The following FOXF1 variants were observed in gnomAD, a reference collection of about 807,000 sequenced individuals.
The protein encoded by FOXF1 is forkhead box F1.
Under a neutral mutation model 26.6 loss-of-function variants are expected in FOXF1, and 9 were observed. That is an observed-to-expected ratio of 0.34 (90% CI 0.20 to 0.59). The LOEUF is 0.59. FOXF1 is among the 20% of genes least tolerant of loss of function. The pLI is 0.83. For synonymous variants in FOXF1, 330 were observed against 257.7 expected, an observed-to-expected ratio of 1.28 and a Z score of -2.69; for missense variants, 499 against 549.9, an observed-to-expected ratio of 0.91 and a Z score of 0.93.
chr16:86,513,244 G>C lies in FOXF1; in HGVS notation c.*159G>C. On this transcript the variant is annotated 3_prime_UTR_variant, in exon 2 of 2. Transcript: ENST00000262426. ...TTTGGCAAGGAGTCCCCAATGCAAA[G>C]ACACAGCGCTGCGGTTGGCACCTCC... is the stretch of plus-strand genomic sequence containing the variant. 1.5e-6 allele frequency: 1 copy of C among 686,684 alleles called. No individual in the cohort carries two copies. Among genetic ancestry groups the C allele is most frequent in the Middle Eastern group, 4.0e-4 (1 of 2,528 alleles). The allele number at this position is 686,684 out of a possible 1,614,324, so 42.5% of individuals were successfully genotyped here. A position where few individuals can be genotyped will look rare whatever the true frequency, so the allele number is the denominator to read the frequency against.
rs1290608625 is a variant in FOXF1 at position 86,511,310 on chromosome 16, G to T, written c.741G>T (p.Pro247=). ...PHHDSSVPAS[P]LLPTGAGGVM... Reference sequence around the variant, plus strand: ...ACGACAGCTCGGTGCCCGCCTCCCCGCTGCTGCCCACCGGCGCCGGTGGGG... The same window carrying T: ...ACGACAGCTCGGTGCCCGCCTCCCCTCTGCTGCCCACCGGCGCCGGTGGGG... Residue 247 remains proline, a synonymous_variant, in exon 1 of 2, where the codon CCG becomes CCT. Coordinates refer to ENST00000262426, the MANE Select transcript of FOXF1 (RefSeq NM_001451.3). 6.6e-7 allele frequency: 1 copy of T among 1,520,464 alleles called. No homozygotes were observed. Among genetic ancestry groups the T allele is most frequent in the East Asian group, 2.5e-5 (1 of 39,884 alleles). The allele number at this position is 1,520,464 out of a possible 1,614,324, so 94.2% of individuals were successfully genotyped here.
In FOXF1 at chr16:86,514,714, G is replaced by C. The variant is rs1240660820; in HGVS notation, c.*1629G>C. On this transcript the variant is annotated 3_prime_UTR_variant, in exon 2 of 2. Coordinates refer to ENST00000262426, the MANE Select transcript of FOXF1 (RefSeq NM_001451.3). Reference sequence around the variant, plus strand: ...GCCCTTTGCCCCTCTAAATGTCATTGATCGTTTTAAAGAAATAAACTTTTA... The same window carrying C: ...GCCCTTTGCCCCTCTAAATGTCATTCATCGTTTTAAAGAAATAAACTTTTA... 6.6e-6 allele frequency: 1 copy of C among 152,016 alleles called. No homozygotes were observed. The highest frequency in any genetic ancestry group is 1.5e-5 in the Non-Finnish European group (1 of 68,010). The allele number at this position is 152,016 out of a possible 1,614,324, so 9.4% of individuals were successfully genotyped here.
chr16:86,511,299 C>T lies in FOXF1; in HGVS notation c.730C>T (p.Pro244Ser), dbSNP rs1464150676. The T allele has an allele frequency of 2.6e-5, 40 of 1,521,306 alleles. No individual in the cohort carries two copies. The highest frequency in any genetic ancestry group is 3.5e-5 in the Non-Finnish European group (40 of 1,141,830). 94.2% of individuals were successfully genotyped at this position (1,521,306 alleles called of 1,614,324 possible). Residue 244 changes from proline to serine, a missense_variant, in exon 1 of 2, where the codon CCC (proline) becomes TCC (serine). Transcript: ENST00000262426. ...GEYPHHDSSV[P>S]ASPLLPTGAG... Reference sequence around the variant, plus strand: ...GTACCCGCACCACGACAGCTCGGTGCCCGCCTCCCCGCTGCTGCCCACCGG... The same window carrying T: ...GTACCCGCACCACGACAGCTCGGTGTCCGCCTCCCCGCTGCTGCCCACCGG...
intron 1 of FOXF1, among the ~76,000 whole-genome samples, chr16:86,512,706 G>T (rs1286976118): frequency 1.3e-5 from 2 of 152,190 alleles, no homozygotes; most frequent in African/African-American, 4.8e-5. Context: ...AGGCAGGCAG[G>T]CAGGCAGGCA....
At position 86,514,238 on chromosome 16, in the gene FOXF1, G is replaced by A. The variant is rs1159241132; in HGVS notation, c.*1153G>A. 2.5e-5 allele frequency: 3 copies of A among 118,920 alleles called. No individual in the cohort carries two copies. The highest frequency in any genetic ancestry group is 2.1e-4 in the Admixed American group (2 of 9,348). 7.4% of individuals were successfully genotyped at this position (118,920 alleles called of 1,614,324 possible). A position where few individuals can be genotyped will look rare whatever the true frequency, so the allele number is the denominator to read the frequency against. Reference sequence around the variant, plus strand: ...TATATAAATATATATATAATATGAAGGACTACCCTCCTTTTTTTTTTTTGT... The same window carrying A: ...TATATAAATATATATATAATATGAAAGACTACCCTCCTTTTTTTTTTTTGT... On this transcript the variant is annotated 3_prime_UTR_variant, in exon 2 of 2. Transcript: ENST00000262426.
Position 86,513,498 on chromosome 16 carries a change from T to C in FOXF1, c.*413T>C, listed in dbSNP as rs1440295571. The C allele has an allele frequency of 5.1e-6, 1 of 195,618 alleles. No individual in the cohort carries two copies. Among genetic ancestry groups the C allele is most frequent in the Non-Finnish European group, 1.1e-5 (1 of 94,116 alleles). The allele number at this position is 195,618 out of a possible 1,614,324, so 12.1% of individuals were successfully genotyped here. On this transcript the variant is annotated 3_prime_UTR_variant, in exon 2 of 2. Transcript: ENST00000262426. ...AAAAGCAAACATGTGAGACCAATCATTATCAAATACTTTTATTTTTTGGTT... is the reference window on the plus strand; with the variant it reads ...AAAAGCAAACATGTGAGACCAATCACTATCAAATACTTTTATTTTTTGGTT...
Position 86,514,174 on chromosome 16 carries a change from C to CA in FOXF1, c.*1092dup, listed in dbSNP as rs1310228770. 10 of 151,584 alleles carry CA rather than the reference C, an allele frequency of 6.6e-5. No individual in the cohort carries two copies. The highest frequency in any genetic ancestry group is 2.6e-4 in the Admixed American group (4 of 15,230). The allele number at this position is 151,584 out of a possible 1,614,324, so 9.4% of individuals were successfully genotyped here. ...TTAGATATCCATTGTAAATTTGAAACAAAGACCGATCTGTGTAAAAACAAA... is the reference window on the plus strand; with the variant it reads ...TTAGATATCCATTGTAAATTTGAAACAAAAGACCGATCTGTGTAAAAACAAA... On this transcript the variant is annotated 3_prime_UTR_variant, in exon 2 of 2. Coordinates refer to ENST00000262426, the MANE Select transcript of FOXF1 (RefSeq NM_001451.3).
Position 86,514,279 on chromosome 16 carries a change from G to A in FOXF1, c.*1194G>A, listed in dbSNP as rs1177530463. The A allele has an allele frequency of 1.3e-5, 2 of 150,596 alleles. No homozygotes were observed. Among genetic ancestry groups the A allele is most frequent in the Non-Finnish European group, 2.9e-5 (2 of 67,856 alleles). The allele number at this position is 150,596 out of a possible 1,614,324, so 9.3% of individuals were successfully genotyped here. Reference sequence around the variant, plus strand: ...TTTTTTTTGTATTTTGGCTGCTAGAGTGCAGCATTTGTGACACGTATTTGA... The same window carrying A: ...TTTTTTTTGTATTTTGGCTGCTAGAATGCAGCATTTGTGACACGTATTTGA... On this transcript the variant is annotated 3_prime_UTR_variant, in exon 2 of 2. Transcript: ENST00000262426.
intron 1 of FOXF1, among the ~76,000 whole-genome samples, chr16:86,512,673 G>C (rs1597292369): frequency 6.6e-6 from 1 of 152,070 alleles, no homozygotes; most frequent in East Asian, 1.9e-4. Context: ...CGGTGTCCGA[G>C]GCTGGACAGG....
chr16:86,511,465 C>T lies in FOXF1; in HGVS notation c.896C>T (p.Pro299Leu), dbSNP rs1286213141. 6.3e-7 allele frequency: 1 copy of T among 1,591,476 alleles called. No individual in the cohort carries two copies. Among genetic ancestry groups the T allele is most frequent in the African/African-American group, 1.3e-5 (1 of 74,782 alleles). ...TCCCCCTGTAACCCCGCGGCCAACC[C>T]CCTGTCCGGCAGCCTCTCCACGCAC... is the stretch of plus-strand genomic sequence containing the variant. Reference protein sequence around the residue: ...PLSPCNPAANPLSGSLSTHSL... With the variant: ...PLSPCNPAANLLSGSLSTHSL... Residue 299 changes from proline (P) to leucine (L), a missense_variant, in exon 1 of 2, where the codon CCC becomes CTC. Transcript: ENST00000262426.
In FOXF1 at chr16:86,514,796, C is replaced by CATACATATGGATATACATATATATGTAT. The variant is rs547548640; in HGVS notation, c.*1720_*1747dup. ...ACACCAATTAAACCATATATGTGCA[C>CATACATATGGATATACATATATATGTAT]ATACATATGGATATACATATATATG... On this transcript the variant is annotated 3_prime_UTR_variant, in exon 2 of 2. Transcript: ENST00000262426. 7 of 152,036 alleles carry CATACATATGGATATACATATATATGTAT rather than the reference C, an allele frequency of 4.6e-5. No homozygotes were observed. Among genetic ancestry groups the CATACATATGGATATACATATATATGTAT allele is most frequent in the Non-Finnish European group, 7.4e-5 (5 of 68,010 alleles). 9.4% of individuals were successfully genotyped at this position (152,036 alleles called of 1,614,324 possible). A position where few individuals can be genotyped will look rare whatever the true frequency, so the allele number is the denominator to read the frequency against.
chr16:86,511,855 G>A (rs1969570715), intron 1 of FOXF1, among the ~76,000 whole-genome samples: 1 of 152,206 alleles, frequency 6.6e-6, no homozygotes, highest in South Asian at 2.1e-4. Flanking sequence ...AAGTCCTTTT[G>A]TGTCCCTTAA....
rs984371199 is a variant in FOXF1 at position 86,513,866 on chromosome 16, T to A, written c.*781T>A. ...TTTTGTCTTGAATTTTATTTAGACT[T>A]TTTCAGTGGGTATTTTTCTGTCTCC... On this transcript the variant is annotated 3_prime_UTR_variant, in exon 2 of 2. Coordinates refer to ENST00000262426, the MANE Select transcript of FOXF1 (RefSeq NM_001451.3). 1.3e-5 allele frequency: 2 copies of A among 152,310 alleles called. No individual in the cohort carries two copies. Among genetic ancestry groups the A allele is most frequent in the African/African-American group, 4.8e-5 (2 of 41,470 alleles). The allele number at this position is 152,310 out of a possible 1,614,324, so 9.4% of individuals were successfully genotyped here. A position where few individuals can be genotyped will look rare whatever the true frequency, so the allele number is the denominator to read the frequency against.
In FOXF1 at chr16:86,510,985, G is replaced by T; in HGVS notation, c.416G>T (p.Arg139Leu). 1 of 1,613,324 alleles carries T rather than the reference G, an allele frequency of 6.2e-7. No individual in the cohort carries two copies. The highest frequency in any genetic ancestry group is 8.5e-7 in the Non-Finnish European group (1 of 1,180,022). The change falls in exon 1 of 2, where the codon CGG (arginine) becomes CTG (leucine). Residue 139 changes from arginine (R) to leucine (L), a missense_variant. Arg to Leu is a moderately radical substitution (Grantham distance 102). This residue lies in a region of FOXF1 where 36 missense variants were observed against 73.7 expected (regional missense o/e 0.49). Coordinates refer to ENST00000262426, the MANE Select transcript of FOXF1 (RefSeq NM_001451.3). ...EFMFEEGSFRRRPRGFRRKCQ... is the reference protein window; with the variant it reads ...EFMFEEGSFRLRPRGFRRKCQ... ...ATGTTCGAGGAGGGCTCCTTTCGGC[G>T]GCGGCCGCGCGGCTTCCGAAGGAAA...
rs377544296 is a variant in FOXF1 at position 86,514,180 on chromosome 16, C to T, written c.*1095C>T. On this transcript the variant is annotated 3_prime_UTR_variant, in exon 2 of 2. Coordinates refer to ENST00000262426, the MANE Select transcript of FOXF1 (RefSeq NM_001451.3). ...ATCCATTGTAAATTTGAAACAAAGACCGATCTGTGTAAAAACAAATTTCCA... is the reference window on the plus strand; with the variant it reads ...ATCCATTGTAAATTTGAAACAAAGATCGATCTGTGTAAAAACAAATTTCCA... 59 of 151,758 alleles carry T rather than the reference C, an allele frequency of 3.9e-4. 2 individuals are homozygous for T. In the South Asian group the frequency reaches 0.012, roughly 32 times the overall value. 9.4% of individuals were successfully genotyped at this position (151,758 alleles called of 1,614,324 possible). A position where few individuals can be genotyped will look rare whatever the true frequency, so the allele number is the denominator to read the frequency against.
At chr16:86,511,663 G>T (rs1442375122) in intron 1 of FOXF1, 115 bp downstream of exon 1, 1 of 1,444,316 alleles carries the variant, frequency 6.9e-7, no homozygotes, top group Non-Finnish European at 9.4e-7. Context: ...AGGCTGAGGG[G>T]AGGCACCAGC....
rs1021982010 is a variant in FOXF1, at chr16:86,513,806, C to G, written c.*721C>G. On this transcript the variant is annotated 3_prime_UTR_variant, in exon 2 of 2. Transcript: ENST00000262426. ...GTCCGCCTCCGTCCCCTTCCATGTT[C>G]CTCCTCTTCCTTCGCTTCAGCCTCT... The G allele has an allele frequency of 1.3e-5, 2 of 152,368 alleles. No individual in the cohort carries two copies. The highest frequency in any genetic ancestry group is 2.9e-5 in the Non-Finnish European group (2 of 68,102). 9.4% of individuals were successfully genotyped at this position (152,368 alleles called of 1,614,324 possible). A position where few individuals can be genotyped will look rare whatever the true frequency, so the allele number is the denominator to read the frequency against.
At chr16:86,512,314 T>G (rs1004356653) in intron 1 of FOXF1, among the ~76,000 whole-genome samples, 7 of 151,708 alleles carry the variant, frequency 4.6e-5, no homozygotes, top group East Asian at 1.9e-4. Flanking sequence ...CCCCGCAGCC[T>G]GCAGGCCCAG....
chr16:86,511,160 C>T lies in FOXF1; in HGVS notation c.591C>T (p.Gly197=). 1.3e-6 allele frequency: 2 copies of T among 1,594,604 alleles called. No homozygotes were observed. The highest frequency in any genetic ancestry group is 1.7e-6 in the Non-Finnish European group (2 of 1,177,238). The change falls in exon 1 of 2, where the codon GGC becomes GGT. Residue 197 remains glycine, a synonymous_variant. Coordinates refer to ENST00000262426, the MANE Select transcript of FOXF1 (RefSeq NM_001451.3). ...AGGGCGGCCTGGGCATGATGAACGG[C>T]CACTTGCCGGGCAACGTGGACGGCA... The part of the protein sequence containing the change: ...ALEGGLGMMN[G]HLPGNVDGMA...
Sources: allele counts gnomAD v4.1 joint callset (sites outside exome capture counted in the v4.1 genomes callset), GRCh38; gene constraint gnomAD v4.1.1; regional missense constraint gnomAD v4.1.1; transcripts MANE v1.5; gene names NCBI Gene and HGNC (gene_info 2026-07-23, HGNC 2026-07-21).